The following KIF6 variants were observed in gnomAD, a reference collection of about 807,000 sequenced individuals.
The protein encoded by KIF6 is kinesin-like protein KIF6.
Under a neutral mutation model 112.7 loss-of-function variants are expected in KIF6, and 106 were observed. The observed-to-expected ratio is 0.94, with a 90% CI of 0.80 to 1.11. KIF6 has a LOEUF of 1.11. Among genes scored for constraint, KIF6 ranks in the 50% least tolerant of loss-of-function variants. KIF6 has a pLI of 0.00. For synonymous variants in KIF6, 339 were observed against 339.9 expected, an observed-to-expected ratio of 1.00 and a Z score of 0.03; for missense variants, 929 against 964.0, an observed-to-expected ratio of 0.96 and a Z score of 0.48.
rs147471428 is a variant in KIF6, at chr6:39,507,633, CTTTCCCCTTCCTTCCTTCCTTCCTTCCTT to C, written c.1645+32341_1645+32369del. On this transcript the variant is annotated intron_variant, in intron 13 of 22. Transcript: ENST00000287152. ...ATCTCCTTTCCTTTCCTTTCCTTTC[CTTTCCCCTTCCTTCCTTCCTTCCTTCCTT>C]CCTTCCTTCCTTCCTTCCTTCCTTC... 1.5e-4 allele frequency among the ~76,000 whole-genome samples: 7 copies of C among 48,012 alleles called. No homozygotes were observed. In the East Asian group the frequency reaches 2.5e-3, roughly 17 times the overall value. The allele number at this position is 48,012 out of a possible 152,430, so 31.5% of individuals were successfully genotyped here.
chr6:39,583,556 A>G, intron 9 of KIF6: 1 of 463,868 alleles, frequency 2.2e-6, no homozygotes, highest in African/African-American at 2.0e-5. Flanking sequence ...CATGGGGAGA[A>G]AGAGGAGAAA....
intron 13 of KIF6, among the ~76,000 whole-genome samples, chr6:39,433,865 C>T (rs1487849926): frequency 6.6e-6 from 1 of 152,202 alleles, no homozygotes; most frequent in Non-Finnish European, 1.5e-5. Context: ...CCTACCCTTG[C>T]CCATCCCCAT....
intron 5 of KIF6, among the ~76,000 whole-genome samples, chr6:39,630,801 T>C (rs2150751439): frequency 6.6e-6 from 1 of 152,160 alleles, no homozygotes. Context: ...TAATGTTACC[T>C]ACAGGCATTT....
At chr6:39,719,755 A>G (rs768642996) in intron 2 of KIF6, among the ~76,000 whole-genome samples, 10 of 152,214 alleles carry the variant, frequency 6.6e-5, no homozygotes, top group Non-Finnish European at 1.3e-4. Flanking sequence ...CCCAAGAGAA[A>G]TATAATGGCA....
intron 22 of KIF6, among the ~76,000 whole-genome samples, chr6:39,336,964 C>G (rs1762947727): frequency 6.8e-6 from 1 of 146,246 alleles, no homozygotes; most frequent in African/African-American, 2.6e-5. Context: ...TCTTCTCTTT[C>G]ATTCTTTCTC....
At chr6:39,389,971 C>T (rs7738339) in intron 15 of KIF6, among the ~76,000 whole-genome samples, 14,467 of 140,092 alleles carry the variant, frequency 0.1, 1,274 homozygotes, top group African/African-American at 0.24. Flanking sequence ...GCAGAGGTTG[C>T]AATGAGCCAA....
intron 19 of KIF6, among the ~76,000 whole-genome samples, chr6:39,350,955 A>G (rs1764196549): frequency 6.6e-6 from 1 of 152,148 alleles, no homozygotes; most frequent in Non-Finnish European, 1.5e-5. Context: ...ATCTCTGCCC[A>G]GGAATTAGAG....
chr6:39,568,622 C>A (rs1325611099), intron 10 of KIF6, among the ~76,000 whole-genome samples: 2 of 151,860 alleles, frequency 1.3e-5, no homozygotes, highest in African/African-American at 4.8e-5. Context: ...GCAACCTGGA[C>A]TCACTGCAAC....
intron 14 of KIF6, among the ~76,000 whole-genome samples, chr6:39,422,464 G>A (rs771535162): frequency 8.5e-5 from 13 of 152,338 alleles, no homozygotes; most frequent in Non-Finnish European, 1.5e-4. Flanking sequence ...CTGGAGAGGT[G>A]TGGTCTGAGG....
intron 14 of KIF6, among the ~76,000 whole-genome samples, chr6:39,420,725 T>G (rs1244879960): frequency 2.0e-5 from 3 of 152,214 alleles, no homozygotes; most frequent in Non-Finnish European, 4.4e-5. Context: ...GATACACGTA[T>G]CCACCCCGTC....
chr6:39,639,549 T>G, intron 4 of KIF6, 61 bp downstream of exon 4: 1 of 1,304,844 alleles, frequency 7.7e-7, no homozygotes, highest in Non-Finnish European at 1.0e-6. Flanking sequence ...AATTTCCTGC[T>G]TTCAGTATAT....
At chr6:39,365,827 G>A (rs1765518510) in intron 16 of KIF6, among the ~76,000 whole-genome samples, 1 of 152,220 alleles carries the variant, frequency 6.6e-6, no homozygotes, top group East Asian at 1.9e-4. Flanking sequence ...CTGGAGGCGG[G>A]CGGAGGAAGG....
At chr6:39,483,826 T>C (rs1330074490) in intron 13 of KIF6, among the ~76,000 whole-genome samples, 3 of 152,232 alleles carry the variant, frequency 2.0e-5, no homozygotes, top group Non-Finnish European at 2.9e-5. Flanking sequence ...AGACAGGTTC[T>C]GGTGAAAGAC....
chr6:39,692,232 A>C (rs993817587), intron 3 of KIF6, among the ~76,000 whole-genome samples: 1 of 152,194 alleles, frequency 6.6e-6, no homozygotes, highest in East Asian at 1.9e-4. Flanking sequence ...CATCATCCTC[A>C]GAACATCTCA....
intron 13 of KIF6, among the ~76,000 whole-genome samples, chr6:39,534,250 G>A (rs1464568091): frequency 2.6e-5 from 4 of 152,142 alleles, no homozygotes; most frequent in African/African-American, 9.7e-5. Context: ...GGCTTCAGAC[G>A]ATCAAACTAC....
At chr6:39,474,719 T>G (rs531087052) in intron 13 of KIF6, among the ~76,000 whole-genome samples, 103 of 152,380 alleles carry the variant, frequency 6.8e-4, no homozygotes, top group African/African-American at 2.4e-3. Context: ...ACATAAATAC[T>G]CAGTGAGAAC....
chr6:39,647,397 G>C (rs912646558), intron 3 of KIF6, among the ~76,000 whole-genome samples: 4 of 151,996 alleles, frequency 2.6e-5, no homozygotes, highest in African/African-American at 9.7e-5. Flanking sequence ...CAGGTGTATG[G>C]ACCCCATGAC....
At position 39,540,082 on chromosome 6, in the gene KIF6, C is replaced by T; in HGVS notation, c.1566G>A (p.Met522Ile). The T allele has an allele frequency of 6.2e-7, 1 of 1,614,146 alleles. No individual in the cohort carries two copies. The highest frequency in any genetic ancestry group is 8.5e-7 in the Non-Finnish European group (1 of 1,180,020). ...RLGNPEEGQR[M>I]RLSSAPSQAQ... ...CCTGTGAGGGAGCTGAGGATAGTCG[C>T]ATTCTTTGACCTTCTTCTGGGTTTC... The change falls in exon 13 of 23, where the codon ATG becomes ATA. Residue 522 changes from methionine to isoleucine, a missense_variant. Physicochemically the swap from Met to Ile is conservative, Grantham distance 10 (BLOSUM62 1). Coordinates refer to ENST00000287152, the MANE Select transcript of KIF6 (RefSeq NM_145027.6).
At chr6:39,695,124 G>A (rs560773329) in intron 3 of KIF6, among the ~76,000 whole-genome samples, 2 of 152,130 alleles carry the variant, frequency 1.3e-5, no homozygotes, top group South Asian at 4.1e-4. Context: ...ATATGAAAAA[G>A]AATCAAACTG....
Sources: gnomAD v4.1 joint callset for allele counts (sites outside exome capture counted in the v4.1 genomes callset) on GRCh38, gnomAD v4.1.1 for gene constraint, MANE v1.5 for transcripts, NCBI Gene and HGNC (gene_info 2026-07-23, HGNC 2026-07-21) for gene names.